Variants in FAM135A observed in about 807,000 individuals in gnomAD.
FAM135A encodes the protein protein FAM135A.
FAM135A carries 79 observed loss-of-function variants against 146.8 expected under a neutral mutation model. The ratio of observed to expected loss-of-function variants is 0.54; its 90% CI spans 0.45 to 0.65. FAM135A has a LOEUF of 0.65. Ranked by LOEUF, FAM135A falls within the 30% of genes least tolerant of loss-of-function variation. The pLI, the probability that FAM135A is intolerant of heterozygous loss-of-function variation, is 0.00. For synonymous variants in FAM135A, 562 were observed against 603.6 expected (o/e 0.93, Z 1.01); for missense variants, 1,623 against 1,758.2 (o/e 0.92, Z 1.38).
chr6:70,448,291 A>C (rs1293913684), intron 4 of FAM135A, among the ~76,000 whole-genome samples: 1 of 152,148 alleles, frequency 6.6e-6, no homozygotes. Context: ...GCTGGCAAAC[A>C]AACCTGCTCT....
At chr6:70,519,003 G>C (rs1040463360) in intron 12 of FAM135A, among the ~76,000 whole-genome samples, 2 of 152,190 alleles carry the variant, frequency 1.3e-5, no homozygotes, top group Non-Finnish European at 2.9e-5. Context: ...GGCTGCCCCA[G>C]ATGGTGATTC....
intron 10 of FAM135A, among the ~76,000 whole-genome samples, chr6:70,489,009 C>T (rs188123732): frequency 3.9e-5 from 6 of 152,232 alleles, no homozygotes; most frequent in African/African-American, 1.4e-4. Flanking sequence ...ATACTGTTTG[C>T]ATTGAAGTAG....
chr6:70,509,544 T>C (rs80113935), intron 12 of FAM135A, among the ~76,000 whole-genome samples: 3,108 of 152,278 alleles, frequency 0.02, 106 homozygotes, highest in African/African-American at 0.07. Flanking sequence ...TGTTTGTTTT[T>C]CCCACAGAAT....
At chr6:70,502,131 A>C (rs1022217754) in intron 11 of FAM135A, among the ~76,000 whole-genome samples, 4 of 152,224 alleles carry the variant, frequency 2.6e-5, no homozygotes, top group African/African-American at 9.6e-5. Flanking sequence ...GTGAAGTAGA[A>C]TCTAAGAACA....
At chr6:70,443,956 T>G (rs1775129788) in intron 4 of FAM135A, among the ~76,000 whole-genome samples, 1 of 152,186 alleles carries the variant, frequency 6.6e-6, no homozygotes. Flanking sequence ...CAGATATACT[T>G]TTTATACTTT....
chr6:70,502,562 C>T, intron 11 of FAM135A, 74 bp from the exon 12 acceptor site: 4 of 1,459,368 alleles, frequency 2.7e-6, no homozygotes, highest in Non-Finnish European at 2.8e-6. Flanking sequence ...TATTAATATT[C>T]TCAATAACAT....
intron 5 of FAM135A, among the ~76,000 whole-genome samples, chr6:70,462,462 G>A (rs1301927426): frequency 6.6e-6 from 1 of 152,032 alleles, no homozygotes; most frequent in Admixed American, 6.5e-5. Context: ...TTAGTAGCCA[G>A]TATTAGTACT....
chr6:70,517,855 TCTGA>T (rs539986468), intron 12 of FAM135A, among the ~76,000 whole-genome samples: 70 of 152,332 alleles, frequency 4.6e-4, no homozygotes, highest in African/African-American at 1.6e-3. Flanking sequence ...TTGTGTTTGT[TCTGA>T]CTGTTTCACC....
intron 2 of FAM135A, among the ~76,000 whole-genome samples, chr6:70,421,910 CAG>C (rs1387467368): frequency 6.6e-6 from 1 of 152,164 alleles, no homozygotes; most frequent in Non-Finnish European, 1.5e-5. Flanking sequence ...CTTGTAGATA[CAG>C]AGAGTTCCTT....
At chr6:70,441,842 G>A (rs1406274388) in intron 4 of FAM135A, among the ~76,000 whole-genome samples, 1 of 151,750 alleles carries the variant, frequency 6.6e-6, no homozygotes, top group Non-Finnish European at 1.5e-5. Context: ...CCACAACCAC[G>A]CCTGGCTAAT....
chr6:70,532,008 G>A lies in FAM135A; in HGVS notation c.3776-1152G>A, dbSNP rs554008672. On this transcript the variant is annotated intron_variant, in intron 16 of 21. Transcript: ENST00000418814. ...GACCATTCTCCTGCCTCAGCTTCCC[G>A]AGTAGCTGGGATTACAGGCGTCTGC... Among the ~76,000 whole-genome samples the A allele has an allele frequency of 5.6e-3, 818 of 144,786 alleles. 6 individuals are homozygous for A. Among genetic ancestry groups the A allele is most frequent in the Non-Finnish European group, 9.0e-3 (603 of 66,880 alleles). 95.0% of individuals were successfully genotyped at this position (144,786 alleles called of 152,430 possible).
intron 19 of FAM135A, among the ~76,000 whole-genome samples, chr6:70,537,587 G>A (rs1164287646): frequency 6.6e-6 from 1 of 152,076 alleles, no homozygotes; most frequent in Non-Finnish European, 1.5e-5. Context: ...CTTTTTCCCA[G>A]ATATGTTTCC....
Position 70,428,402 on chromosome 6 carries a change from G to A in FAM135A, c.60G>A (p.Val20=). 6.2e-7 allele frequency: 1 copy of A among 1,601,766 alleles called. No individual in the cohort carries two copies. The highest frequency in any genetic ancestry group is 8.5e-7 in the Non-Finnish European group (1 of 1,174,446). Residue 20 remains valine, a synonymous_variant, in exon 4 of 22, where the codon GTG becomes GTA. Coordinates refer to ENST00000418814, the MANE Select transcript of FAM135A (RefSeq NM_001162529.3). ...TGGAGCTAAACAAGTTCTACAATGTGGATTTGTTTCAGAGAGGGTATGTAT... is the reference window on the plus strand; with the variant it reads ...TGGAGCTAAACAAGTTCTACAATGTAGATTTGTTTCAGAGAGGGTATGTAT... ...FSVELNKFYN[V]DLFQRGFYQI...
At chr6:70,444,286 C>T (rs1333403824) in intron 4 of FAM135A, among the ~76,000 whole-genome samples, 6 of 152,072 alleles carry the variant, frequency 3.9e-5, no homozygotes, top group African/African-American at 1.4e-4. Flanking sequence ...GCCTGTAATC[C>T]CAGCTACTCC....
At chr6:70,449,224 T>A (rs961200204) in intron 4 of FAM135A, among the ~76,000 whole-genome samples, 1 of 152,216 alleles carries the variant, frequency 6.6e-6, no homozygotes, top group Admixed American at 6.5e-5. Flanking sequence ...TTAACGTATT[T>A]ATCACCTCAC....
At chr6:70,544,752 A>T (rs1248773708) in intron 20 of FAM135A, among the ~76,000 whole-genome samples, 1 of 151,484 alleles carries the variant, frequency 6.6e-6, no homozygotes, top group African/African-American at 2.4e-5. Flanking sequence ...AACTTAAAAA[A>T]AAATAAAGCC....
At chr6:70,534,782 A>G (rs930755929) in intron 18 of FAM135A, among the ~76,000 whole-genome samples, 6 of 152,204 alleles carry the variant, frequency 3.9e-5, no homozygotes, top group African/African-American at 1.4e-4. Flanking sequence ...TATCCCAACT[A>G]GGTTAGAGGA....
intron 7 of FAM135A, among the ~76,000 whole-genome samples, chr6:70,476,116 A>G (rs1782591761): frequency 6.6e-6 from 1 of 152,134 alleles, no homozygotes; most frequent in African/African-American, 2.4e-5. Context: ...ATATTCTGAG[A>G]GTTATCAAGA....
chr6:70,524,875 G>A lies in FAM135A; in HGVS notation c.1791G>A (p.Gln597=), dbSNP rs1452084097. The change falls in exon 15 of 22, where the codon CAG becomes CAA. Residue 597 remains glutamine, a synonymous_variant. Transcript: ENST00000418814. ...ATATTGAAAATGTTCAACCAGACCAGTTTGATCCTTTGAACTCTGGCAACC... is the reference window on the plus strand; with the variant it reads ...ATATTGAAAATGTTCAACCAGACCAATTTGATCCTTTGAACTCTGGCAACC... ...SPDIENVQPD[Q]FDPLNSGNLN... 1 of 1,611,692 alleles carries A rather than the reference G, an allele frequency of 6.2e-7. No individual in the cohort carries two copies. The highest frequency in any genetic ancestry group is 8.5e-7 in the Non-Finnish European group (1 of 1,178,806).
Sources: allele counts gnomAD v4.1 joint callset (sites outside exome capture counted in the v4.1 genomes callset), GRCh38; gene constraint gnomAD v4.1.1; transcripts MANE v1.5; gene names NCBI Gene and HGNC (gene_info 2026-07-23, HGNC 2026-07-21).